Variants in LEPR observed in about 807,000 individuals in gnomAD.
LEPR encodes OB receptor.
Under a neutral mutation model 114.7 loss-of-function variants are expected in LEPR, and 56 were observed. That is an observed-to-expected ratio of 0.49 (90% CI 0.39 to 0.61). The LOEUF is 0.61. LEPR is among the 20% of genes least tolerant of loss of function. The probability of loss-of-function intolerance (pLI) is 0.00; values close to 1 mark genes in which losing one functional copy is unlikely to be tolerated. For missense variants in LEPR, 1,202 were observed against 1,352.9 expected, an observed-to-expected ratio of 0.89 and a Z score of 1.75; for synonymous variants, 443 against 461.4, an observed-to-expected ratio of 0.96 and a Z score of 0.51.
chr1:65,440,205 G>A (rs186396346), intron 2 of LEPR, among the ~76,000 whole-genome samples: 412 of 151,956 alleles, frequency 2.7e-3, no homozygotes, highest in African/African-American at 9.4e-3. Context: ...CTACTCTTTC[G>A]ATTCTTTTTA....
At chr1:65,468,608 CA>C (rs1647044791) in intron 2 of LEPR, among the ~76,000 whole-genome samples, 1 of 152,126 alleles carries the variant, frequency 6.6e-6, no homozygotes, top group African/African-American at 2.4e-5. Context: ...AGAGAGATGA[CA>C]TTTGGTTGGG....
intron 14 of LEPR, 102 bp from the exon 15 acceptor site, chr1:65,615,906 C>A: frequency 6.7e-7 from 1 of 1,491,744 alleles, no homozygotes; most frequent in South Asian, 1.2e-5. Flanking sequence ...CTGATCTGGC[C>A]CCTGCCTCCT....
intron 2 of LEPR, among the ~76,000 whole-genome samples, chr1:65,518,913 CTTTCTCTCTT>C (rs745766278): frequency 0.087 from 6,886 of 78,800 alleles, 188 homozygotes; most frequent in Admixed American, 0.13. Flanking sequence ...TTCTTTCTTT[CTTTCTCTCTT>C]TCTCTGTTTC....
Position 65,636,764 on chromosome 1 carries a change from A to G in LEPR, c.3247A>G (p.Thr1083Ala), listed in dbSNP as rs149329546. ...AAAGTCTATCTATTATTTAGGGGTCACCTCAATCAAAAAGAGAGAGAGTGG... is the reference window on the plus strand; with the variant it reads ...AAAGTCTATCTATTATTTAGGGGTCGCCTCAATCAAAAAGAGAGAGAGTGG... ...DKKSIYYLGV[T>A]SIKKRESGVL... The change falls in exon 20 of 20, where the codon ACC (threonine) becomes GCC (alanine). Residue 1083 changes from threonine (T) to alanine (A), a missense_variant. Transcript: ENST00000349533. The G allele has an allele frequency of 1.4e-4, 220 of 1,614,018 alleles. No individual in the cohort carries two copies. In the African/African-American group the frequency reaches 2.6e-3, roughly 19 times the overall value.
intron 2 of LEPR, 96 bp from the exon 3 acceptor site, chr1:65,565,450 T>A: frequency 8.4e-7 from 1 of 1,187,244 alleles, no homozygotes; most frequent in Non-Finnish European, 1.2e-6. Flanking sequence ...TAGAGACTTA[T>A]CTATAATCCC....
intron 2 of LEPR, among the ~76,000 whole-genome samples, chr1:65,440,901 A>G (rs191216204): frequency 3.2e-4 from 49 of 152,366 alleles, no homozygotes; most frequent in African/African-American, 1.2e-3. Context: ...CAAATCAATC[A>G]TGTTTATGTC....
intron 2 of LEPR, among the ~76,000 whole-genome samples, chr1:65,474,233 G>C (rs1474632488): frequency 6.6e-6 from 1 of 152,144 alleles, no homozygotes; most frequent in South Asian, 2.1e-4. Flanking sequence ...TACATCTCCT[G>C]ATATTGACAT....
intron 2 of LEPR, among the ~76,000 whole-genome samples, chr1:65,555,193 T>C (rs535234066): frequency 4.9e-4 from 74 of 152,368 alleles, no homozygotes; most frequent in African/African-American, 1.7e-3. Flanking sequence ...GTTCTTTTTT[T>C]GTGTTCTTCT....
intron 17 of LEPR, among the ~76,000 whole-genome samples, chr1:65,621,071 G>C (rs1270540477): frequency 6.6e-6 from 1 of 152,006 alleles, no homozygotes; most frequent in Non-Finnish European, 1.5e-5. Flanking sequence ...TGACACTTTG[G>C]CCCATTATAA....
At chr1:65,509,218 G>A (rs908513445) in intron 2 of LEPR, among the ~76,000 whole-genome samples, 3 of 151,942 alleles carry the variant, frequency 2.0e-5, no homozygotes, top group Non-Finnish European at 2.9e-5. Flanking sequence ...AGGACTTCCC[G>A]TACTATGTTG....
At chr1:65,490,303 G>A (rs1301603072) in intron 2 of LEPR, among the ~76,000 whole-genome samples, 2 of 152,162 alleles carry the variant, frequency 1.3e-5, no homozygotes, top group African/African-American at 2.4e-5. Context: ...GAAGGGAAGT[G>A]TTTTAATGTG....
intron 2 of LEPR, among the ~76,000 whole-genome samples, chr1:65,431,163 C>G (rs1183095569): frequency 1.3e-5 from 2 of 152,098 alleles, no homozygotes; most frequent in Admixed American, 6.5e-5. Flanking sequence ...TTTTCTTGTG[C>G]TTTAGACCAG....
At chr1:65,554,985 A>C (rs1570682817) in intron 2 of LEPR, among the ~76,000 whole-genome samples, 1 of 152,060 alleles carries the variant, frequency 6.6e-6, no homozygotes, top group Non-Finnish European at 1.5e-5. Context: ...GATCCCTTGC[A>C]CTTCCTGGAT....
chr1:65,555,316 A>G (rs1652739046), intron 2 of LEPR, among the ~76,000 whole-genome samples: 1 of 152,246 alleles, frequency 6.6e-6, no homozygotes, highest in Non-Finnish European at 1.5e-5. Flanking sequence ...TAATTTGTCA[A>G]CTTCAGCAAT....
intron 18 of LEPR, among the ~76,000 whole-genome samples, chr1:65,622,097 C>T (rs1657921124): frequency 6.6e-6 from 1 of 152,112 alleles, no homozygotes; most frequent in Non-Finnish European, 1.5e-5. Flanking sequence ...GATGGTGATG[C>T]TCCTGCTCTG....
Position 65,572,375 on chromosome 1 carries a change from C to A in LEPR, c.420C>A (p.Phe140Leu). 1.4e-6 allele frequency: 2 copies of A among 1,389,062 alleles called. No individual in the cohort carries two copies. Among genetic ancestry groups the A allele is most frequent in the Non-Finnish European group, 1.9e-6 (2 of 1,045,648 alleles). The allele number at this position is 1,389,062 out of a possible 1,614,324, so 86.0% of individuals were successfully genotyped here. ...GGCTAAAAGGAGACTTAAAATTATT[C>A]ATCTGTTATGTGGAGTCATTATTTA... ...QCWLKGDLKLFICYVESLFKN... is the reference protein window; with the variant it reads ...QCWLKGDLKLLICYVESLFKN... Residue 140 changes from phenylalanine to leucine, a missense_variant, in exon 5 of 20, where the codon TTC becomes TTA. By Grantham distance (22) the Phe-to-Leu change is conservative. Coordinates refer to ENST00000349533, the MANE Select transcript of LEPR (RefSeq NM_002303.6).
chr1:65,431,944 T>C, intron 2 of LEPR: 1 of 1,606,788 alleles, frequency 6.2e-7, no homozygotes, highest in Admixed American at 1.7e-5. Flanking sequence ...TACAGTGCAT[T>C]GAATTTCTTA....
chr1:65,636,538 T>C lies in LEPR; in HGVS notation c.3021T>C (p.Ser1007=). The part of the protein sequence containing the change: ...ETGEEQGLIN[S]SVTKCFSSKN... ...GTGAAGAACAAGGGCTTATAAATAGTTCAGTCACCAAGTGCTTCTCTAGCA... is the reference window on the plus strand; with the variant it reads ...GTGAAGAACAAGGGCTTATAAATAGCTCAGTCACCAAGTGCTTCTCTAGCA... Residue 1007 remains serine (S), a synonymous_variant, in exon 20 of 20, where the codon AGT becomes AGC. Coordinates refer to ENST00000349533, the MANE Select transcript of LEPR (RefSeq NM_002303.6). 6.2e-7 allele frequency: 1 copy of C among 1,614,078 alleles called. No homozygotes were observed. Among genetic ancestry groups the C allele is most frequent in the Non-Finnish European group, 8.5e-7 (1 of 1,179,994 alleles).
chr1:65,534,961 C>A (rs1476985212), intron 2 of LEPR, among the ~76,000 whole-genome samples: 1 of 152,082 alleles, frequency 6.6e-6, no homozygotes, highest in South Asian at 2.1e-4. Context: ...TAACTTTAGC[C>A]GCTGTTATTT....
Sources: gnomAD v4.1 joint callset for allele counts (sites outside exome capture counted in the v4.1 genomes callset) on GRCh38, gnomAD v4.1.1 for gene constraint, MANE v1.5 for transcripts, NCBI Gene and HGNC (gene_info 2026-07-23, HGNC 2026-07-21) for gene names.